Variants in JMJD1C observed in about 807,000 individuals in gnomAD.
The protein encoded by JMJD1C is jumonji domain containing 1C.
Under a neutral mutation model 245.3 loss-of-function variants are expected in JMJD1C, and 31 were observed. The observed-to-expected ratio is 0.13, with a 90% confidence interval of 0.09 to 0.17. The LOEUF (loss-of-function observed/expected upper bound fraction) is 0.17, where lower values mean the gene tolerates loss of function less well. Among genes scored for constraint, JMJD1C ranks in the 10% least tolerant of loss-of-function variants. The probability of loss-of-function intolerance (pLI) is 1.00; values close to 1 mark genes in which losing one functional copy is unlikely to be tolerated. For synonymous variants in JMJD1C, 1,057 were observed against 1,017.4 expected (o/e 1.04, Z -0.74); for missense variants, 2,691 against 3,000.2 (o/e 0.90, Z 2.41).
At chr10:63,420,107 G>C (rs1023150744) in intron 1 of JMJD1C, among the ~76,000 whole-genome samples, 12 of 151,354 alleles carry the variant, frequency 7.9e-5, no homozygotes, top group Non-Finnish European at 1.5e-5. Flanking sequence ...CTGCACTCCA[G>C]CCTGGGCAAC....
At chr10:63,348,691 T>A (rs1234798383) in intron 2 of JMJD1C, among the ~76,000 whole-genome samples, 2 of 152,168 alleles carry the variant, frequency 1.3e-5, no homozygotes, top group African/African-American at 4.8e-5. Context: ...ATCCCCATTG[T>A]TAGAGGTGGG....
chr10:63,184,241 T>A (rs892819387), intron 21 of JMJD1C, among the ~76,000 whole-genome samples: 14 of 47,616 alleles, frequency 2.9e-4, no homozygotes, highest in African/African-American at 7.2e-4. Context: ...GAACAGAAAT[T>A]TTTTTTTTTT....
At chr10:63,453,491 A>G (rs1334564467) in intron 1 of JMJD1C, among the ~76,000 whole-genome samples, 3 of 152,214 alleles carry the variant, frequency 2.0e-5, no homozygotes, top group African/African-American at 7.2e-5. Flanking sequence ...TAGTCCACAA[A>G]TATTCCTAAA....
intron 1 of JMJD1C, among the ~76,000 whole-genome samples, chr10:63,405,204 T>C (rs186773091): frequency 6.6e-6 from 1 of 152,210 alleles, no homozygotes; most frequent in East Asian, 1.9e-4. Context: ...ATTAAATATG[T>C]TTTTCAGATG....
At chr10:63,238,185 A>AC in intron 3 of JMJD1C, among the ~76,000 whole-genome samples, 1 of 126,446 alleles carries the variant, frequency 7.9e-6, no homozygotes, top group African/African-American at 2.6e-5. Flanking sequence ...CATCTCAAAA[A>AC]AAAAAAAAAA....
intron 2 of JMJD1C, among the ~76,000 whole-genome samples, chr10:63,271,587 T>C (rs1437628691): frequency 6.6e-6 from 1 of 152,096 alleles, no homozygotes; most frequent in African/African-American, 2.4e-5. Flanking sequence ...GTTTCGCTCA[T>C]GTTGCTCAGG....
chr10:63,453,639 G>A (rs998465850), intron 1 of JMJD1C, among the ~76,000 whole-genome samples: 21 of 152,176 alleles, frequency 1.4e-4, no homozygotes, highest in Admixed American at 9.8e-4. Flanking sequence ...GATCCTTTGC[G>A]TCTGTCAAGC....
intron 1 of JMJD1C, among the ~76,000 whole-genome samples, chr10:63,491,032 A>G (rs1243161736): frequency 6.6e-6 from 1 of 152,244 alleles, no homozygotes; most frequent in Non-Finnish European, 1.5e-5. Context: ...CTTAGAAATA[A>G]GAAAACTGAG....
intron 24 of JMJD1C, among the ~76,000 whole-genome samples, chr10:63,175,889 C>T (rs574833850): frequency 6.6e-6 from 1 of 152,158 alleles, no homozygotes; most frequent in Non-Finnish European, 1.5e-5. Flanking sequence ...AAATTACATA[C>T]CATCTTTCTT....
At position 63,267,187 on chromosome 10, in the gene JMJD1C, T is replaced by C. The variant is rs182228514; in HGVS notation, c.334-2423A>G. Among the ~76,000 whole-genome samples the C allele has an allele frequency of 8.6e-3, 1,315 of 152,294 alleles. 6 individuals are homozygous for C. Among genetic ancestry groups the C allele is most frequent in the Non-Finnish European group, 0.013 (911 of 67,994 alleles). On this transcript the variant is annotated intron_variant, in intron 2 of 25. Coordinates refer to ENST00000399262, the MANE Select transcript of JMJD1C (RefSeq NM_032776.3). ...AATAAAAAGTGCTGATAAATACTTTTATAGTATTTGTTAAAAGAAATGTTT... is the reference window on the plus strand; with the variant it reads ...AATAAAAAGTGCTGATAAATACTTTCATAGTATTTGTTAAAAGAAATGTTT...
At chr10:63,332,709 T>C (rs2134174033) in intron 2 of JMJD1C, among the ~76,000 whole-genome samples, 1 of 152,348 alleles carries the variant, frequency 6.6e-6, no homozygotes, top group East Asian at 1.9e-4. Flanking sequence ...CAAAAAGTAA[T>C]AATCATCTCT....
chr10:63,175,015 A>G (rs930719610), intron 24 of JMJD1C, among the ~76,000 whole-genome samples: 7 of 152,214 alleles, frequency 4.6e-5, no homozygotes, highest in Non-Finnish European at 8.8e-5. Flanking sequence ...ATTTACAAAA[A>G]TGACTACACT....
At chr10:63,400,164 T>C (rs1471885803) in intron 1 of JMJD1C, among the ~76,000 whole-genome samples, 1 of 152,180 alleles carries the variant, frequency 6.6e-6, no homozygotes, top group Admixed American at 6.5e-5. Context: ...AACAGATGGA[T>C]ATTTGGGTTG....
chr10:63,304,366 C>T (rs1937710233), intron 2 of JMJD1C, among the ~76,000 whole-genome samples: 1 of 151,946 alleles, frequency 6.6e-6, no homozygotes, highest in African/African-American at 2.4e-5. Context: ...AGATTGCTGG[C>T]TACATCTGAG....
intron 3 of JMJD1C, among the ~76,000 whole-genome samples, chr10:63,223,311 T>C (rs1435952498): frequency 6.6e-6 from 1 of 151,526 alleles, no homozygotes; most frequent in East Asian, 1.9e-4. Flanking sequence ...CACTGGAATC[T>C]TCGCCTCCCA....
rs570305056 is a variant in JMJD1C, at chr10:63,346,220, T to C, written c.333+34098A>G. Among the ~76,000 whole-genome samples, 5 of 152,280 alleles carry C rather than the reference T, an allele frequency of 3.3e-5. No individual in the cohort carries two copies. The South Asian group carries it at 1.0e-3, about 32-fold the overall frequency. On this transcript the variant is annotated intron_variant, in intron 2 of 25. Transcript: ENST00000399262. ...ACTCTGCCCACTGGGAAATGAATCA[T>C]TTTTTTAAAGTGTGATTAGATACTA...
chr10:63,223,132 C>CAA (rs57849390), intron 3 of JMJD1C: 148,980 of 405,764 alleles, frequency 0.37, 14,038 homozygotes, highest in Non-Finnish European at 0.38. Flanking sequence ...AAATTATCTG[C>CAA]AAAAAAAAAA....
chr10:63,444,711 C>T (rs899110756), intron 1 of JMJD1C, among the ~76,000 whole-genome samples: 1 of 151,328 alleles, frequency 6.6e-6, no homozygotes, highest in Non-Finnish European at 1.5e-5. Flanking sequence ...CTGCAACCTC[C>T]GCCTCCTGAG....
intron 3 of JMJD1C, among the ~76,000 whole-genome samples, chr10:63,263,949 A>G (rs867189493): frequency 8.4e-6 from 1 of 119,190 alleles, no homozygotes; most frequent in Non-Finnish European, 1.6e-5. Flanking sequence ...AAAAAAAAAA[A>G]AAATACACAT....
Sources: gnomAD v4.1 joint callset for allele counts (sites outside exome capture counted in the v4.1 genomes callset) on GRCh38, gnomAD v4.1.1 for gene constraint, MANE v1.5 for transcripts, NCBI Gene and HGNC (gene_info 2026-07-23, HGNC 2026-07-21) for gene names.